The following TLR2 variants were observed in gnomAD, a reference collection of about 807,000 sequenced individuals.
TLR2 encodes toll-like receptor 2.
In TLR2, 7 loss-of-function variants were observed where a neutral mutation model predicts 9.1. That is an observed-to-expected ratio of 0.77 (90% CI 0.44 to 1.44). The LOEUF (loss-of-function observed/expected upper bound fraction) is 1.44. TLR2 is among the 40% of genes most tolerant of loss of function. The pLI is 0.01. For synonymous variants in TLR2, 317 were observed against 344.6 expected (o/e 0.92, Z 0.89); for missense variants, 812 against 904.6 (o/e 0.90, Z 1.31).
downstream of TLR2, chr4:153,710,345 A>G (rs371470100): frequency 9.8e-6 from 15 of 1,536,874 alleles, no homozygotes; most frequent in Non-Finnish European, 1.2e-5. Flanking sequence ...ACCATGCAGT[A>G]TGTTGCTTCT....
intron 2 of TLR2, among the ~76,000 whole-genome samples, chr4:153,690,220 C>T (rs1291662466): frequency 6.6e-6 from 1 of 152,186 alleles, no homozygotes; most frequent in Non-Finnish European, 1.5e-5. Flanking sequence ...TTTAGGCAGG[C>T]TCAAAAAATT....
intron 2 of TLR2, among the ~76,000 whole-genome samples, chr4:153,699,240 A>T (rs1469445489): frequency 6.6e-6 from 1 of 152,220 alleles, no homozygotes; most frequent in Non-Finnish European, 1.5e-5. Context: ...TATCAATCAT[A>T]GGCACAGGCA....
chr4:153,687,523 CTT>C (rs1328131516), intron 1 of TLR2, among the ~76,000 whole-genome samples: 1 of 152,184 alleles, frequency 6.6e-6, no homozygotes, highest in Non-Finnish European at 1.5e-5. Flanking sequence ...TGTCTCTACA[CTT>C]TGAGTTCTTA....
chr4:153,701,871 T>C (rs752535709), intron 2 of TLR2: 21 of 152,236 alleles, frequency 1.4e-4, no homozygotes, highest in Non-Finnish European at 2.6e-4. Flanking sequence ...GTTTGTGTTT[T>C]AATTCTTTGT....
At chr4:153,685,723 G>A (rs185867552) in intron 1 of TLR2, among the ~76,000 whole-genome samples, 163 of 151,932 alleles carry the variant, frequency 1.1e-3, no homozygotes, top group African/African-American at 3.8e-3. Context: ...AATTTTTTGG[G>A]GTACAGTTTT....
intron 2 of TLR2, 172 bp downstream of exon 2, chr4:153,688,219 G>C (rs1735848485): frequency 6.6e-6 from 1 of 152,188 alleles, no homozygotes; most frequent in Non-Finnish European, 1.5e-5. Flanking sequence ...TAGAAGACAG[G>C]GAATCCTGGG....
intron 2 of TLR2, among the ~76,000 whole-genome samples, chr4:153,698,687 G>A (rs1736676177): frequency 1.3e-5 from 2 of 152,148 alleles, no homozygotes; most frequent in Admixed American, 6.6e-5. Flanking sequence ...ACCTCAGTTG[G>A]TACATTTCCA....
At chr4:153,710,337 C>T (rs1737477577), downstream of TLR2, 2 of 1,506,124 alleles carry the variant, frequency 1.3e-6, no homozygotes, top group Non-Finnish European at 8.9e-7. Context: ...GGATTTCAAC[C>T]ATGCAGTATG....
chr4:153,687,829 G>T (rs759957161), intron 1 of TLR2, 73 bp from the exon 2 acceptor site: 1 of 152,200 alleles, frequency 6.6e-6, no homozygotes, highest in Non-Finnish European at 1.5e-5. Context: ...AAACTTTTGT[G>T]AATCTGAGTG....
At chr4:153,694,480 C>G (rs988256756) in intron 2 of TLR2, among the ~76,000 whole-genome samples, 1 of 152,198 alleles carries the variant, frequency 6.6e-6, no homozygotes. Context: ...TTTTTTAAAG[C>G]TACAATAGCT....
rs5743709 is a variant in TLR2, at chr4:153,705,250, G to A, written c.2343G>A (p.Ala781=). ...GATTTTGGGTAAATCTGAGAGCTGC[G>A]ATAAAGTCCTAGGTTCCCATATTTA... ...REGFWVNLRA[A]IKS is the part of the protein sequence containing the mutation. Residue 781 remains alanine, a synonymous_variant, in exon 3 of 3, where the codon GCG becomes GCA. Transcript: ENST00000642700. 6.6e-3 allele frequency: 10,378 copies of A among 1,583,638 alleles called. 1,062 individuals are homozygous for A. The Admixed American group carries it at 0.17, about 26-fold the overall frequency.
chr4:153,710,313 A>C (rs879230743), downstream of TLR2: 15 of 1,369,652 alleles, frequency 1.1e-5, no homozygotes, highest in Admixed American at 2.9e-4. Context: ...AATTAATATT[A>C]AATGTTGGAC....
In TLR2 at chr4:153,703,644, A is replaced by G; in HGVS notation, c.737A>G (p.Glu246Gly). ...TFHFSELSTG[E>G]TNSLIKKFTF... Reference sequence around the variant, plus strand: ...CATTTTTCAGAACTATCCACTGGTGAAACAAATTCATTGATTAAAAAGTTT... The same window carrying G: ...CATTTTTCAGAACTATCCACTGGTGGAACAAATTCATTGATTAAAAAGTTT... The change falls in exon 3 of 3, where the codon GAA becomes GGA. Residue 246 changes from glutamate to glycine, a missense_variant. By Grantham distance (98) the Glu-to-Gly change is moderately conservative. Coordinates refer to ENST00000642700, the MANE Select transcript of TLR2 (RefSeq NM_001318789.2). 1 of 1,613,256 alleles carries G rather than the reference A, an allele frequency of 6.2e-7. No homozygotes were observed. The highest frequency in any genetic ancestry group is 8.5e-7 in the Non-Finnish European group (1 of 1,179,780).
chr4:153,687,802 C>G (rs530403080), intron 1 of TLR2, 100 bp from the exon 2 acceptor site: 1 of 152,220 alleles, frequency 6.6e-6, no homozygotes, highest in African/African-American at 2.4e-5. Context: ...ACTGCTCACA[C>G]TGTTGGATGC....
At chr4:153,700,464 G>A (rs1736808492) in intron 2 of TLR2, among the ~76,000 whole-genome samples, 1 of 152,162 alleles carries the variant, frequency 6.6e-6, no homozygotes, top group African/African-American at 2.4e-5. Flanking sequence ...CATGCTCATG[G>A]ATTGGAAGAT....
intron 1 of TLR2, among the ~76,000 whole-genome samples, chr4:153,687,357 T>A (rs922787394): frequency 6.6e-6 from 1 of 152,146 alleles, no homozygotes; most frequent in South Asian, 2.1e-4. Flanking sequence ...AAATAGGGGA[T>A]CTATCAAGTC....
At chr4:153,708,251 C>T (rs1737393717), downstream of TLR2, among the ~76,000 whole-genome samples, 1 of 152,128 alleles carries the variant, frequency 6.6e-6, no homozygotes, top group South Asian at 2.1e-4. Context: ...TGAAAGCTGC[C>T]ATTGTGGCTA....
Position 153,703,397 on chromosome 4 carries a change from A to G in TLR2, c.490A>G (p.Lys164Glu). The change falls in exon 3 of 3, where the codon AAG (lysine) becomes GAG (glutamate). Residue 164 changes from lysine (K) to glutamate (E), a missense_variant. Transcript: ENST00000642700. Reference sequence around the variant, plus strand: ...AGTGGGAAATATGGACACCTTCACTAAGATTCAAAGAAAAGATTTTGCTGG... The same window carrying G: ...AGTGGGAAATATGGACACCTTCACTGAGATTCAAAGAAAAGATTTTGCTGG... ...LRVGNMDTFT[K>E]IQRKDFAGLT... The G allele has an allele frequency of 1.2e-6, 2 of 1,614,140 alleles. No individual in the cohort carries two copies. The highest frequency in any genetic ancestry group is 1.7e-6 in the Non-Finnish European group (2 of 1,180,030).
At chr4:153,689,064 G>A (rs1735920387) in intron 2 of TLR2, among the ~76,000 whole-genome samples, 1 of 152,192 alleles carries the variant, frequency 6.6e-6, no homozygotes, top group South Asian at 2.1e-4. Context: ...GTTAATCACT[G>A]CTAATCTGTC....
Sources: gnomAD v4.1 joint callset for allele counts (sites outside exome capture counted in the v4.1 genomes callset) on GRCh38, gnomAD v4.1.1 for gene constraint, MANE v1.5 for transcripts, NCBI Gene and HGNC (gene_info 2026-07-23, HGNC 2026-07-21) for gene names.